The following CSNK2A2IP variants were observed in gnomAD, a reference collection of about 807,000 sequenced individuals.
CSNK2A2IP encodes casein kinase 2 subunit alpha' interacting protein.
chr3:88,457,039 C>G, the CSNK2A2IP span, among the ~76,000 whole-genome samples: 1 of 151,982 alleles, frequency 6.6e-6, no homozygotes, highest in African/African-American at 2.4e-5. Flanking sequence ...AAATAAATAA[C>G]AGGGGTACAA....
the CSNK2A2IP span, among the ~76,000 whole-genome samples, chr3:88,459,278 A>G: frequency 6.6e-6 from 1 of 152,130 alleles, no homozygotes; most frequent in African/African-American, 2.4e-5. Flanking sequence ...GCAATAGGAT[A>G]CCTGTGTTTT....
At chr3:88,353,454 C>T in the CSNK2A2IP span, among the ~76,000 whole-genome samples, 1 of 152,168 alleles carries the variant, frequency 6.6e-6, no homozygotes, top group Non-Finnish European at 1.5e-5. Flanking sequence ...TTGCTCGTGC[C>T]TGACTCTTCA....
chr3:88,352,586 T>A, the CSNK2A2IP span, among the ~76,000 whole-genome samples: 91 of 152,052 alleles, frequency 6.0e-4, no homozygotes, highest in African/African-American at 1.7e-3. Context: ...TTAATTAATT[T>A]ATTTATTATT....
At chr3:88,453,595 C>T in the CSNK2A2IP span, among the ~76,000 whole-genome samples, 1 of 152,000 alleles carries the variant, frequency 6.6e-6, no homozygotes, top group Non-Finnish European at 1.5e-5. Context: ...GAAGGTCCAC[C>T]TATTTTTGTT....
the CSNK2A2IP span, among the ~76,000 whole-genome samples, chr3:88,444,842 C>T: frequency 2.0e-5 from 3 of 152,062 alleles, no homozygotes; most frequent in East Asian, 3.9e-4. Flanking sequence ...TCAACAGTTC[C>T]CTTAATATGT....
chr3:88,456,735 T>G, the CSNK2A2IP span, among the ~76,000 whole-genome samples: 1 of 151,976 alleles, frequency 6.6e-6, no homozygotes, highest in East Asian at 1.9e-4. Context: ...AATGAATTGC[T>G]TATACACTTT....
the CSNK2A2IP span, among the ~76,000 whole-genome samples, chr3:88,428,552 G>T: frequency 4.3e-4 from 66 of 152,246 alleles, no homozygotes; most frequent in African/African-American, 1.5e-3. Context: ...TCAGTTGGAG[G>T]TAATTTAATC....
the CSNK2A2IP span, among the ~76,000 whole-genome samples, chr3:88,448,673 G>A: frequency 6.6e-6 from 1 of 152,144 alleles, no homozygotes; most frequent in East Asian, 1.9e-4. Flanking sequence ...TTCACACGCA[G>A]ACATACTAAA....
At chr3:88,347,273 T>C in the CSNK2A2IP span, among the ~76,000 whole-genome samples, 1 of 152,028 alleles carries the variant, frequency 6.6e-6, no homozygotes, top group African/African-American at 2.4e-5. Flanking sequence ...TTAACTTAGT[T>C]GATAAAGCAG....
the CSNK2A2IP span, among the ~76,000 whole-genome samples, chr3:88,365,301 G>T: frequency 6.6e-6 from 1 of 152,096 alleles, no homozygotes; most frequent in African/African-American, 2.4e-5. Flanking sequence ...TTAGAACTGA[G>T]GTAAATTAAT....
At chr3:88,409,843 T>G in the CSNK2A2IP span, among the ~76,000 whole-genome samples, 1 of 152,104 alleles carries the variant, frequency 6.6e-6, no homozygotes, top group Non-Finnish European at 1.5e-5. Flanking sequence ...ATTGGTGACT[T>G]GTAAAATGAA....
chr3:88,466,465 G>A, the CSNK2A2IP span: 1 of 1,231,748 alleles, frequency 8.1e-7, no homozygotes, highest in African/African-American at 1.6e-5. Context: ...AAACATCTCA[G>A]GTCAATTATT....
the CSNK2A2IP span, among the ~76,000 whole-genome samples, chr3:88,451,731 CT>C: frequency 0.12 from 17,379 of 143,308 alleles, 1,125 homozygotes; most frequent in African/African-American, 0.16. Flanking sequence ...ATCTCTCTCT[CT>C]TTTTTTTTTT....
chr3:88,422,676 A>G, the CSNK2A2IP span, among the ~76,000 whole-genome samples: 4 of 152,194 alleles, frequency 2.6e-5, no homozygotes. Context: ...TCTCAAATAA[A>G]TAGGTTTCTT....
the CSNK2A2IP span, chr3:88,466,496 C>T: frequency 0.042 from 52,009 of 1,231,756 alleles, 2,227 homozygotes; most frequent in African/African-American, 0.19. Flanking sequence ...AAACACTGCA[C>T]CAGGAACACA....
At chr3:88,421,975 T>C in the CSNK2A2IP span, among the ~76,000 whole-genome samples, 1 of 152,204 alleles carries the variant, frequency 6.6e-6, no homozygotes, top group Non-Finnish European at 1.5e-5. Flanking sequence ...ATAACACAGC[T>C]ACACTATGAA....
the CSNK2A2IP span, among the ~76,000 whole-genome samples, chr3:88,431,549 C>G: frequency 6.6e-6 from 1 of 152,070 alleles, no homozygotes; most frequent in Non-Finnish European, 1.5e-5. Context: ...TCGCAAATCA[C>G]CACTAAGGAA....
the CSNK2A2IP span, among the ~76,000 whole-genome samples, chr3:88,436,724 A>G: frequency 6.6e-6 from 1 of 152,106 alleles, no homozygotes; most frequent in African/African-American, 2.4e-5. Context: ...TCTTCATATG[A>G]TCCTGATAGT....
the CSNK2A2IP span, among the ~76,000 whole-genome samples, chr3:88,383,475 G>T: frequency 6.6e-6 from 1 of 152,146 alleles, no homozygotes; most frequent in African/African-American, 2.4e-5. Context: ...TTGGTGCAGA[G>T]TCAAGTCTTC....
Sources: allele counts gnomAD v4.1 joint callset (sites outside exome capture counted in the v4.1 genomes callset), GRCh38; gene constraint gnomAD v4.1.1; transcripts MANE v1.5; gene names NCBI Gene and HGNC (gene_info 2026-07-23, HGNC 2026-07-21).